The following LRRC69 variants were observed in gnomAD, a reference collection of about 807,000 sequenced individuals.
LRRC69 encodes the protein leucine-rich repeat-containing protein 69.
Under a neutral mutation model 37.8 loss-of-function variants are expected in LRRC69, and 42 were observed. That is an observed-to-expected ratio of 1.11 (90% CI 0.87 to 1.44). The LOEUF is 1.44. LRRC69 is among the 40% of genes most tolerant of loss of function. LRRC69 has a pLI of 0.00. For missense variants in LRRC69, 357 were observed against 401.9 expected (o/e 0.89, Z 0.96); for synonymous variants, 141 against 143.1 (o/e 0.99, Z 0.11).
chr8:91,105,652 T>G (rs1203330844), intron 1 of LRRC69, among the ~76,000 whole-genome samples: 1 of 128,630 alleles, frequency 7.8e-6, no homozygotes, highest in Non-Finnish European at 1.6e-5. Flanking sequence ...GCAGAGTGAT[T>G]CTGTCTCAAA....
At position 91,133,306 on chromosome 8, in the gene LRRC69, G is replaced by A. The variant is rs1345557208; in HGVS notation, c.579+1G>A. ...AAACAACATTGGAGTTTTGCCGGAGGTAAGCAAAACATGGAACCACAGTAG... is the reference window on the plus strand; with the variant it reads ...AAACAACATTGGAGTTTTGCCGGAGATAAGCAAAACATGGAACCACAGTAG... On this transcript the variant is annotated splice_donor_variant, in intron 4 of 7. Coordinates refer to ENST00000448384, the Ensembl canonical transcript of LRRC69. LOFTEE classifies it high-confidence loss of function. 6.7e-7 allele frequency: 1 copy of A among 1,499,154 alleles called. No individual in the cohort carries two copies. The highest frequency in any genetic ancestry group is 8.8e-7 in the Non-Finnish European group (1 of 1,130,996). The allele number at this position is 1,499,154 out of a possible 1,614,324, so 92.9% of individuals were successfully genotyped here.
rs374507886 is a variant in LRRC69 at position 91,143,998 on chromosome 8, C to T, written c.651+8259C>T. Among the ~76,000 whole-genome samples, 21 of 152,042 alleles carry T rather than the reference C, an allele frequency of 1.4e-4. No individual in the cohort carries two copies. The East Asian group carries it at 2.1e-3, about 15-fold the overall frequency. ...ATATTAATAACACTTGTATACATCACATTGTTAGGAAAGTGTCTCACATAA... is the reference window on the plus strand; with the variant it reads ...ATATTAATAACACTTGTATACATCATATTGTTAGGAAAGTGTCTCACATAA... On this transcript the variant is annotated intron_variant, in intron 5 of 7. Coordinates refer to ENST00000448384, the Ensembl canonical transcript of LRRC69.
chr8:91,210,009 T>G (rs1809879089), intron 7 of LRRC69, among the ~76,000 whole-genome samples: 1 of 152,194 alleles, frequency 6.6e-6, no homozygotes, highest in African/African-American at 2.4e-5. Flanking sequence ...CACAGACTAT[T>G]AAAATGTAAC....
At chr8:91,165,054 T>C (rs1302685277) in intron 5 of LRRC69, among the ~76,000 whole-genome samples, 1 of 151,536 alleles carries the variant, frequency 6.6e-6, no homozygotes, top group Non-Finnish European at 1.5e-5. Flanking sequence ...TCATTTGAGA[T>C]GGGAAGGTTG....
chr8:91,212,668 G>A (rs897514796), intron 7 of LRRC69, among the ~76,000 whole-genome samples: 1 of 152,054 alleles, frequency 6.6e-6, no homozygotes, highest in Non-Finnish European at 1.5e-5. Flanking sequence ...ATTCATTTAT[G>A]AAACTGATCA....
intron 3 of LRRC69, among the ~76,000 whole-genome samples, chr8:91,129,415 G>A (rs899152627): frequency 2.0e-5 from 3 of 151,884 alleles, no homozygotes; most frequent in African/African-American, 7.2e-5. Flanking sequence ...GCAGATATTT[G>A]TTTCTCTCCC....
intron 1 of LRRC69, among the ~76,000 whole-genome samples, chr8:91,123,076 T>C (rs894029222): frequency 6.6e-6 from 1 of 152,054 alleles, no homozygotes; most frequent in Non-Finnish European, 1.5e-5. Context: ...AAGTGGGGCA[T>C]ATAAGCCAAG....
intron 6 of LRRC69, among the ~76,000 whole-genome samples, chr8:91,194,431 C>G (rs1221210723): frequency 1.3e-5 from 2 of 151,840 alleles, no homozygotes; most frequent in Non-Finnish European, 2.9e-5. Flanking sequence ...GGTACCAGTT[C>G]CTCCTTGTAC....
At chr8:91,113,041 A>G (rs912855387) in intron 1 of LRRC69, among the ~76,000 whole-genome samples, 7 of 152,022 alleles carry the variant, frequency 4.6e-5, no homozygotes, top group African/African-American at 1.4e-4. Context: ...ATGAAAAATT[A>G]TAAGACATTA....
At chr8:91,186,882 T>C (rs561193028) in intron 5 of LRRC69, among the ~76,000 whole-genome samples, 12 of 152,120 alleles carry the variant, frequency 7.9e-5, no homozygotes, top group African/African-American at 2.4e-4. Flanking sequence ...TGACAGGACA[T>C]GGTGAGAGAC....
intron 5 of LRRC69, among the ~76,000 whole-genome samples, chr8:91,182,358 G>C (rs1809339416): frequency 6.6e-6 from 1 of 151,660 alleles, no homozygotes. Flanking sequence ...TTTAATTTTT[G>C]AATAAATTTT....
intron 5 of LRRC69, among the ~76,000 whole-genome samples, chr8:91,137,786 TC>T (rs1239100610): frequency 5.9e-5 from 9 of 151,954 alleles, no homozygotes; most frequent in Admixed American, 3.3e-4. Flanking sequence ...AATCAAAGTT[TC>T]CCACATTAAA....
At chr8:91,149,957 T>A (rs1808699111) in intron 5 of LRRC69, among the ~76,000 whole-genome samples, 1 of 152,020 alleles carries the variant, frequency 6.6e-6, no homozygotes, top group Non-Finnish European at 1.5e-5. Flanking sequence ...TTTGCTGAAG[T>A]TGCCTATCAG....
At chr8:91,180,372 A>G (rs2130597415) in intron 5 of LRRC69, among the ~76,000 whole-genome samples, 1 of 152,340 alleles carries the variant, frequency 6.6e-6, no homozygotes, top group South Asian at 2.1e-4. Flanking sequence ...AGCTACCTGA[A>G]TATTCTTACA....
At chr8:91,206,753 G>T (rs751624356) in intron 7 of LRRC69, 1 of 1,289,592 alleles carries the variant, frequency 7.8e-7, no homozygotes, top group Non-Finnish European at 1.0e-6. Flanking sequence ...GTGTGCATCT[G>T]GTGCTCTGCT....
rs77126308 is a variant in LRRC69 at position 91,218,302 on chromosome 8, C to G, written c.934-588C>G. Among the ~76,000 whole-genome samples, 714 of 151,958 alleles carry G rather than the reference C, an allele frequency of 4.7e-3. 6 individuals carry two copies. Among genetic ancestry groups the G allele is most frequent in the African/African-American group, 0.017 (684 of 41,434 alleles). On this transcript the variant is annotated intron_variant, in intron 7 of 7. Coordinates refer to ENST00000448384, the Ensembl canonical transcript of LRRC69. ...TACCATTATTTCAAACATAAATGGT[C>G]AATATATGTGCACTAAATTGGCTAA...
chr8:91,190,347 G>C (rs1317593405), intron 6 of LRRC69, among the ~76,000 whole-genome samples: 14 of 151,522 alleles, frequency 9.2e-5, no homozygotes, highest in Admixed American at 9.2e-4. Flanking sequence ...ATGAGCAATG[G>C]AGAAAATCAA....
At chr8:91,189,946 C>T (rs375151117) in intron 6 of LRRC69, among the ~76,000 whole-genome samples, 2 of 152,020 alleles carry the variant, frequency 1.3e-5, no homozygotes, top group East Asian at 3.9e-4. Flanking sequence ...TAGTCTTTAC[C>T]TCTTTCACTC....
At position 91,171,403 on chromosome 8, in the gene LRRC69, G is replaced by A. The variant is rs566478695; in HGVS notation, c.652-18119G>A. 1.8e-4 allele frequency among the ~76,000 whole-genome samples: 28 copies of A among 151,928 alleles called. No homozygotes were observed. In the Middle Eastern group the frequency reaches 0.01, roughly 55 times the overall value. ...ACCTCCCCCATAAACCGATTTTTAC[G>A]TCCTTGGGGATGATATCACCCCCTC... On this transcript the variant is annotated intron_variant, in intron 5 of 7. Transcript: ENST00000448384.
Sources: gnomAD v4.1 joint callset for allele counts (sites outside exome capture counted in the v4.1 genomes callset) on GRCh38, gnomAD v4.1.1 for gene constraint, MANE v1.5 for transcripts, NCBI Gene and HGNC (gene_info 2026-07-23, HGNC 2026-07-21) for gene names.